RNF185: variants seen among roughly 807,000 people sequenced by gnomAD.
RNF185 encodes the protein E3 ubiquitin-protein ligase RNF185.
In RNF185, 13 loss-of-function variants were observed where a neutral mutation model predicts 24.9. The observed-to-expected ratio is 0.52, with a 90% CI of 0.34 to 0.83. RNF185 has a LOEUF of 0.83. Among genes scored for constraint, RNF185 ranks in the 40% least tolerant of loss-of-function variants. The pLI, the probability that RNF185 is intolerant of heterozygous loss-of-function variation, is 0.01. For synonymous variants in RNF185, 79 were observed against 90.3 expected (o/e 0.88, Z 0.71); for missense variants, 184 against 244.7 (o/e 0.75, Z 1.65).
chr22:31,194,913 C>G (rs2048828035), intron 3 of RNF185, among the ~76,000 whole-genome samples: 1 of 151,984 alleles, frequency 6.6e-6, no homozygotes, highest in African/African-American at 2.4e-5. Context: ...GCTAGGAGGC[C>G]CTAGAGAGAA....
intron 1 of RNF185, among the ~76,000 whole-genome samples, chr22:31,160,834 T>C (rs1457419224): frequency 6.6e-6 from 1 of 152,250 alleles, no homozygotes; most frequent in African/African-American, 2.4e-5. Flanking sequence ...TGTAATTCTC[T>C]GAGATGCCGG....
intron 6 of RNF185, among the ~76,000 whole-genome samples, chr22:31,204,119 C>T (rs1204120373): frequency 1.3e-5 from 2 of 149,688 alleles, no homozygotes; most frequent in Non-Finnish European, 3.0e-5. Context: ...CTGAGGCAGG[C>T]GGATCACAAG....
At chr22:31,186,330 A>G (rs1317954716) in intron 1 of RNF185, among the ~76,000 whole-genome samples, 9 of 152,146 alleles carry the variant, frequency 5.9e-5, no homozygotes, top group African/African-American at 1.7e-4. Context: ...GGCTGGGCAC[A>G]GTGGCTCACA....
intron 1 of RNF185, among the ~76,000 whole-genome samples, chr22:31,183,964 A>C (rs1440125631): frequency 1.4e-4 from 2 of 14,072 alleles, no homozygotes; most frequent in African/African-American, 6.6e-4. Flanking sequence ...GCAGCTGTCC[A>C]GGCGGGGGCT....
At chr22:31,182,908 T>TTAATTA (rs1555881897) in intron 1 of RNF185, 1 of 143,060 alleles carries the variant, frequency 7.0e-6, no homozygotes, top group Non-Finnish European at 1.5e-5. Flanking sequence ...ATTTATTTTA[T>TTAATTA]TTATTATTAT....
chr22:31,194,441 A>C (rs61006749), intron 3 of RNF185, among the ~76,000 whole-genome samples: 13,077 of 152,150 alleles, frequency 0.086, 857 homozygotes, highest in East Asian at 0.4. Context: ...TATAAAAATG[A>C]GAAATTGGCC....
intron 1 of RNF185, among the ~76,000 whole-genome samples, chr22:31,171,813 A>G (rs1280784316): frequency 6.6e-6 from 1 of 152,000 alleles, no homozygotes; most frequent in Admixed American, 6.5e-5. Flanking sequence ...TACTAAAAAT[A>G]CAAAATTAGC....
At chr22:31,179,610 A>C (rs1374179617) in intron 1 of RNF185, among the ~76,000 whole-genome samples, 2 of 152,220 alleles carry the variant, frequency 1.3e-5, no homozygotes, top group Non-Finnish European at 2.9e-5. Context: ...ACTAAGATTT[A>C]CAAGGAGAGT....
Position 31,193,536 on chromosome 22 carries a change from A to G in RNF185, c.195+834A>G, listed in dbSNP as rs146087855. On this transcript the variant is annotated intron_variant, in intron 3 of 6. Transcript: ENST00000326132. The stretch of plus-strand genomic sequence containing the variant: ...TGGCCGGGTGTGGTGGCTCACACCT[A>G]TAATTCCAGCACGTAGGGAGGCCAA... Among the ~76,000 whole-genome samples, 712 of 152,256 alleles carry G rather than the reference A, an allele frequency of 4.7e-3. 5 individuals carry two copies. The highest frequency in any genetic ancestry group is 0.016 in the African/African-American group (670 of 41,560).
At chr22:31,185,155 G>A (rs940370147) in intron 1 of RNF185, among the ~76,000 whole-genome samples, 8 of 152,022 alleles carry the variant, frequency 5.3e-5, no homozygotes, top group Admixed American at 4.6e-4. Flanking sequence ...TCTTGGAGCC[G>A]AGGCCAGCGC....
At chr22:31,192,603 T>C in intron 2 of RNF185, 81 bp from the exon 3 acceptor site, 1 of 1,240,372 alleles carries the variant, frequency 8.1e-7, no homozygotes, top group Non-Finnish European at 1.2e-6. Flanking sequence ...CCATCAAGTG[T>C]TTCTGCTAAT....
At chr22:31,168,368 T>A (rs536094276) in intron 1 of RNF185, among the ~76,000 whole-genome samples, 2 of 152,342 alleles carry the variant, frequency 1.3e-5, no homozygotes, top group South Asian at 4.1e-4. Context: ...CATGATGTTC[T>A]TGAGGTTCAT....
At chr22:31,177,398 C>G (rs534061396) in intron 1 of RNF185, among the ~76,000 whole-genome samples, 40 of 152,064 alleles carry the variant, frequency 2.6e-4, no homozygotes, top group Non-Finnish European at 4.4e-4. Flanking sequence ...GTCCTTTCAG[C>G]CTTCTCTGTT....
In RNF185 at chr22:31,204,642, C is replaced by G; in HGVS notation, c.*56C>G. On this transcript the variant is annotated 3_prime_UTR_variant, in exon 7 of 7. Coordinates refer to ENST00000326132, the MANE Select transcript of RNF185 (RefSeq NM_152267.4). ...GCTCTGGACTGGTGACGTGCCACCC[C>G]AACTCCTGGTGTTTGGCTTCCTGGC... The G allele has an allele frequency of 8.1e-7, 1 of 1,238,360 alleles. No individual in the cohort carries two copies. Among genetic ancestry groups the G allele is most frequent in the Non-Finnish European group, 1.2e-6 (1 of 839,868 alleles). The allele number at this position is 1,238,360 out of a possible 1,614,324, so 76.7% of individuals were successfully genotyped here. A position where few individuals can be genotyped will look rare whatever the true frequency, so the allele number is the denominator to read the frequency against.
At chr22:31,179,575 C>A (rs1332548706) in intron 1 of RNF185, among the ~76,000 whole-genome samples, 1 of 152,174 alleles carries the variant, frequency 6.6e-6, no homozygotes, top group Non-Finnish European at 1.5e-5. Flanking sequence ...GGCTGTAGAT[C>A]CTGGGTGGGG....
At chr22:31,169,586 G>A (rs1038722923) in intron 1 of RNF185, among the ~76,000 whole-genome samples, 22 of 151,916 alleles carry the variant, frequency 1.4e-4, no homozygotes, top group Middle Eastern at 3.2e-3. Context: ...TCTCTCTGTC[G>A]CCGAGGCTGG....
chr22:31,171,460 C>T (rs1210703055), intron 1 of RNF185, among the ~76,000 whole-genome samples: 1 of 151,734 alleles, frequency 6.6e-6, no homozygotes, highest in Non-Finnish European at 1.5e-5. Context: ...GGATTACAGG[C>T]GTGAGCTACT....
At chr22:31,170,340 C>T (rs567797865) in intron 1 of RNF185, among the ~76,000 whole-genome samples, 2 of 152,182 alleles carry the variant, frequency 1.3e-5, no homozygotes, top group African/African-American at 4.8e-5. Context: ...ATTTGCCTGC[C>T]ACCAGGCCTG....
chr22:31,185,061 A>G lies in RNF185; in HGVS notation c.-48-1986A>G, dbSNP rs926173827. Among the ~76,000 whole-genome samples, 8 of 150,502 alleles carry G rather than the reference A, an allele frequency of 5.3e-5. No homozygotes were observed. In the East Asian group the frequency reaches 1.8e-3, roughly 33 times the overall value. On this transcript the variant is annotated intron_variant, in intron 1 of 6. Transcript: ENST00000326132. ...TTGAGCTGGAATAATGAGGAAAGAT[A>G]GTAATGTGGCCCTCAAAAGTGGGTT...
Sources: gnomAD v4.1 joint callset for allele counts (sites outside exome capture counted in the v4.1 genomes callset) on GRCh38, gnomAD v4.1.1 for gene constraint, MANE v1.5 for transcripts, NCBI Gene and HGNC (gene_info 2026-07-23, HGNC 2026-07-21) for gene names.